RBPMS: variants seen among roughly 807,000 people sequenced by gnomAD.
RBPMS encodes the protein RNA-binding protein with multiple splicing.
RBPMS carries 7 observed loss-of-function variants against 26.8 expected under a neutral mutation model. That is an observed-to-expected ratio of 0.26 (90% CI 0.15 to 0.49). RBPMS has a LOEUF of 0.49. RBPMS is among the 20% of genes least tolerant of loss of function. The pLI is 0.98. For missense variants in RBPMS, 186 were observed against 250.0 expected (o/e 0.74, Z 1.73); for synonymous variants, 96 against 93.3 (o/e 1.03, Z -0.17).
At chr8:30,550,520 C>T (rs1281639972) in intron 6 of RBPMS, among the ~76,000 whole-genome samples, 3 of 152,156 alleles carry the variant, frequency 2.0e-5, no homozygotes, top group African/African-American at 4.8e-5. Flanking sequence ...CCCACAAGGC[C>T]GTGACAGTTA....
chr8:30,392,122 T>A (rs1391234809), intron 1 of RBPMS, among the ~76,000 whole-genome samples: 1 of 151,932 alleles, frequency 6.6e-6, no homozygotes, highest in Non-Finnish European at 1.5e-5. Flanking sequence ...AACAAACAGG[T>A]ATAACCACGC....
At chr8:30,555,594 C>G (rs1050039897) in intron 6 of RBPMS, among the ~76,000 whole-genome samples, 1 of 152,178 alleles carries the variant, frequency 6.6e-6, no homozygotes, top group African/African-American at 2.4e-5. Context: ...TGTTTGTGTA[C>G]ACATACGTTT....
intron 5 of RBPMS, among the ~76,000 whole-genome samples, chr8:30,540,883 G>A (rs1231334215): frequency 6.6e-6 from 1 of 152,218 alleles, no homozygotes; most frequent in Non-Finnish European, 1.5e-5. Flanking sequence ...TGAGAGGGAG[G>A]ATGGGGTGAC....
chr8:30,423,830 T>TGTTG (rs1554510218), intron 1 of RBPMS, among the ~76,000 whole-genome samples: 1 of 151,100 alleles, frequency 6.6e-6, no homozygotes, highest in African/African-American at 2.4e-5. Flanking sequence ...TTTTGTTTTT[T>TGTTG]TTGTTGTTGT....
At position 30,419,450 on chromosome 8, in the gene RBPMS, A is replaced by ATGTGTGTGTGTG. The variant is rs71278690; in HGVS notation, c.66+34314_66+34325dup. Among the ~76,000 whole-genome samples the ATGTGTGTGTGTG allele has an allele frequency of 6.8e-3, 980 of 143,262 alleles. 13 individuals carry two copies. The highest frequency in any genetic ancestry group is 0.016 in the East Asian group (75 of 4,798). 94.0% of individuals were successfully genotyped at this position (143,262 alleles called of 152,430 possible). ...GACAGAGTGAGATTGCATCTCAAAAATGTGTGTGTGTGTGTGTGTGTGTGT... is the reference window on the plus strand; with the variant it reads ...GACAGAGTGAGATTGCATCTCAAAAATGTGTGTGTGTGTGTGTGTGTGTGTGTGTGTGTGTGT... On this transcript the variant is annotated intron_variant, in intron 1 of 8. Transcript: ENST00000397323.
intron 1 of RBPMS, among the ~76,000 whole-genome samples, chr8:30,459,261 G>A (rs1164496342): frequency 6.6e-6 from 1 of 151,632 alleles, no homozygotes; most frequent in Non-Finnish European, 1.5e-5. Flanking sequence ...TGCCCCCAGT[G>A]GTTTTTTTTG....
At chr8:30,438,729 C>T (rs906440941) in intron 1 of RBPMS, among the ~76,000 whole-genome samples, 2 of 152,028 alleles carry the variant, frequency 1.3e-5, no homozygotes, top group South Asian at 2.1e-4. Context: ...TCATCAAGTT[C>T]GCATCGTATC....
chr8:30,565,306 T>G (rs1417408382), intron 7 of RBPMS: 1 of 152,242 alleles, frequency 6.6e-6, no homozygotes, highest in South Asian at 2.1e-4. Flanking sequence ...CCCCTCTCCC[T>G]GAAGAGTCCT....
chr8:30,497,703 A>G (rs966994642), intron 4 of RBPMS, among the ~76,000 whole-genome samples: 1 of 151,486 alleles, frequency 6.6e-6, no homozygotes, highest in Non-Finnish European at 1.5e-5. Flanking sequence ...TGCAAGCTCC[A>G]CCTCCCGGGT....
At chr8:30,488,220 A>C (rs1057509269) in intron 4 of RBPMS, among the ~76,000 whole-genome samples, 1 of 152,272 alleles carries the variant, frequency 6.6e-6, no homozygotes, top group African/African-American at 2.4e-5. Context: ...AAATAAGTTT[A>C]GATGGAAAAG....
At chr8:30,468,405 C>T (rs1178943725) in intron 1 of RBPMS, among the ~76,000 whole-genome samples, 1 of 151,840 alleles carries the variant, frequency 6.6e-6, no homozygotes, top group Admixed American at 6.6e-5. Flanking sequence ...GGTTTTTATC[C>T]TACTTCCCTT....
chr8:30,513,587 C>CAAAAAAA (rs56184994), intron 5 of RBPMS, among the ~76,000 whole-genome samples: 59 of 108,492 alleles, frequency 5.4e-4, no homozygotes, highest in African/African-American at 1.9e-3. Flanking sequence ...GACTCCATCT[C>CAAAAAAA]AAAAAAAAAA....
intron 7 of RBPMS, among the ~76,000 whole-genome samples, chr8:30,561,072 T>A (rs1827436995): frequency 6.6e-6 from 1 of 152,248 alleles, no homozygotes; most frequent in Non-Finnish European, 1.5e-5. Flanking sequence ...TAATTGTCTC[T>A]TAAATGTCCT....
chr8:30,471,899 G>A (rs1817146586), intron 1 of RBPMS, among the ~76,000 whole-genome samples: 2 of 152,148 alleles, frequency 1.3e-5, no homozygotes, highest in Non-Finnish European at 1.5e-5. Context: ...CAAACTTGAT[G>A]TAATTGATAC....
intron 5 of RBPMS, among the ~76,000 whole-genome samples, chr8:30,541,085 CAG>C (rs949523546): frequency 3.9e-5 from 6 of 152,200 alleles, no homozygotes; most frequent in Non-Finnish European, 7.3e-5. Flanking sequence ...CAACTAAACT[CAG>C]AGATACATGG....
chr8:30,489,921 C>T (rs1236889345), intron 4 of RBPMS, among the ~76,000 whole-genome samples: 1 of 152,100 alleles, frequency 6.6e-6, no homozygotes, highest in Non-Finnish European at 1.5e-5. Flanking sequence ...CACCATTCTC[C>T]TGCCTCAGCC....
intron 6 of RBPMS, chr8:30,549,600 G>C (rs1826132436): frequency 6.2e-7 from 1 of 1,603,402 alleles, no homozygotes; most frequent in Non-Finnish European, 8.5e-7. Context: ...GGCTTTCTAG[G>C]AGCACCTGGC....
intron 7 of RBPMS, among the ~76,000 whole-genome samples, chr8:30,563,498 G>A (rs1563457216): frequency 6.6e-6 from 1 of 152,178 alleles, no homozygotes; most frequent in African/African-American, 2.4e-5. Context: ...GGAGCCAAGT[G>A]GGGTGTAGGG....
chr8:30,515,981 A>T (rs1004469430), intron 5 of RBPMS, among the ~76,000 whole-genome samples: 1 of 152,230 alleles, frequency 6.6e-6, no homozygotes, highest in Non-Finnish European at 1.5e-5. Flanking sequence ...AGTTTATAAC[A>T]TGGTACAAAA....
Sources: gnomAD v4.1 joint callset for allele counts (sites outside exome capture counted in the v4.1 genomes callset) on GRCh38, gnomAD v4.1.1 for gene constraint, MANE v1.5 for transcripts, NCBI Gene and HGNC (gene_info 2026-07-23, HGNC 2026-07-21) for gene names.